The following PRKAG1 variants were observed in gnomAD, a reference collection of about 807,000 sequenced individuals.
The protein encoded by PRKAG1 is 5'-AMP-activated protein kinase subunit gamma-1.
Under a neutral mutation model 48.2 loss-of-function variants are expected in PRKAG1, and 27 were observed. The observed-to-expected ratio is 0.56, with a 90% CI of 0.41 to 0.77. The LOEUF (loss-of-function observed/expected upper bound fraction) is 0.77, where lower values mean the gene tolerates loss of function less well. Ranked by LOEUF, PRKAG1 falls within the 30% of genes least tolerant of loss-of-function variation. PRKAG1 has a pLI of 0.00. For missense variants in PRKAG1, 287 were observed against 398.3 expected, an observed-to-expected ratio of 0.72 and a Z score of 2.38; for synonymous variants, 130 against 147.7, an observed-to-expected ratio of 0.88 and a Z score of 0.87.
rs759966006 is a variant in PRKAG1, at chr12:49,005,904, C to A, written c.59-52G>T. 1 of 1,341,874 alleles carries A rather than the reference C, an allele frequency of 7.5e-7. No homozygotes were observed. The highest frequency in any genetic ancestry group is 1.4e-5 in the South Asian group (1 of 71,984). The allele number at this position is 1,341,874 out of a possible 1,614,324, so 83.1% of individuals were successfully genotyped here. On this transcript the variant is annotated intron_variant, in intron 2 of 11. Transcript: ENST00000548065. The surrounding 1 kb of genome is among the most constrained non-coding windows in gnomAD (Gnocchi z 4.1). ...TTCCTTCCACATAAAAACTCCCAATCAAAAGAGACAGAAAACAAAATAGTG... is the reference window on the plus strand; with the variant it reads ...TTCCTTCCACATAAAAACTCCCAATAAAAAGAGACAGAAAACAAAATAGTG...
At chr12:49,004,861 G>GTA (rs1322665271) in intron 7 of PRKAG1, 103 bp downstream of exon 7, 528 of 1,035,042 alleles carry the variant, frequency 5.1e-4, no homozygotes, top group Middle Eastern at 8.9e-4. Flanking sequence ...GTGTGTGTGT[G>GTA]TCTTTTCTCT....
rs1941487159 is a variant in PRKAG1, at chr12:49,005,218, C to T, written c.310-53G>A. ...ACCTGATCTCTCTGCTTCCTTAAGCCCTCGTGGCTTGCTTGGAGAAAAAGA... is the reference window on the plus strand; with the variant it reads ...ACCTGATCTCTCTGCTTCCTTAAGCTCTCGTGGCTTGCTTGGAGAAAAAGA... On this transcript the variant is annotated intron_variant, in intron 5 of 11. Coordinates refer to ENST00000548065, the MANE Select transcript of PRKAG1 (RefSeq NM_002733.5). The surrounding 1 kb of genome is among the most constrained non-coding windows in gnomAD (Gnocchi z 4.1). 3 of 1,613,194 alleles carry T rather than the reference C, an allele frequency of 1.9e-6. No homozygotes were observed. The highest frequency in any genetic ancestry group is 1.3e-5 in the African/African-American group (1 of 74,956).
chr12:49,003,151 T>TCC lies in PRKAG1; in HGVS notation c.879_880dup (p.Glu294GlyfsTer9). The TCC allele has an allele frequency of 1.2e-6, 2 of 1,614,170 alleles. No homozygotes were observed. Among genetic ancestry groups the TCC allele is most frequent in the Non-Finnish European group, 1.7e-6 (2 of 1,180,016 alleles). ...GGTTGCTGGCCTCCCTACCTCTGCTTCCACTAGCCTGTTGATGATGGTCTC... is the reference window on the plus strand; with the variant it reads ...GGTTGCTGGCCTCCCTACCTCTGCTTCCCCACTAGCCTGTTGATGATGGTCTC... On this transcript the variant is annotated frameshift_variant, in exon 11 of 12. Coordinates refer to ENST00000548065, the MANE Select transcript of PRKAG1 (RefSeq NM_002733.5). LOFTEE classifies it high-confidence loss of function.
chr12:49,004,812 A>AGAGTGT, intron 7 of PRKAG1, 152 bp downstream of exon 7: 1 of 962,208 alleles, frequency 1.0e-6, no homozygotes. Flanking sequence ...AGAGAGAGAG[A>AGAGTGT]CTGTGTGTGT....
At chr12:49,014,660 G>A (rs1034393101) in intron 1 of PRKAG1, among the ~76,000 whole-genome samples, 3 of 152,252 alleles carry the variant, frequency 2.0e-5, no homozygotes, top group Non-Finnish European at 4.4e-5. Context: ...CGAATGTACT[G>A]AAACTGGGAA....
rs755677616 is a variant in PRKAG1, at chr12:49,003,808, C to T, written c.652G>A (p.Gly218Arg). 1 of 1,613,978 alleles carries T rather than the reference C, an allele frequency of 6.2e-7. No homozygotes were observed. The highest frequency in any genetic ancestry group is 1.3e-5 in the African/African-American group (1 of 74,910). Residue 218 changes from glycine (G) to arginine (R), a missense_variant, in exon 9 of 12, where the codon GGG becomes AGG. By Grantham distance (125) the Gly-to-Arg change is moderately radical (BLOSUM62 -2). Around this residue, in one of 2 missense-constraint regions of PRKAG1, gnomAD observed 224 missense variants for 344.3 expected, o/e 0.65. Transcript: ENST00000548065. ...GAGACTCGATGCTGTACAAAAATCC[C>T]CAGAGCCACATAGACGGGGGTGGTA... is the stretch of plus-strand genomic sequence containing the variant. Reference protein sequence around the residue: ...RTTTPVYVALGIFVQHRVSAL... With the variant: ...RTTTPVYVALRIFVQHRVSAL...
chr12:49,004,743 G>A (rs954723259), intron 7 of PRKAG1, 110 bp from the exon 8 acceptor site: 152 of 1,517,268 alleles, frequency 1.0e-4, no homozygotes, highest in Middle Eastern at 1.9e-4. Flanking sequence ...AGGGAAGGGG[G>A]GCAGTGTACA....
intron 1 of PRKAG1, among the ~76,000 whole-genome samples, chr12:49,015,783 G>T (rs576649368): frequency 5.9e-5 from 9 of 151,608 alleles, no homozygotes; most frequent in Non-Finnish European, 1.2e-4. Flanking sequence ...TCACTATGTT[G>T]GCCAGGCTGG....
rs768933310 is a variant in PRKAG1 at position 49,003,196 on chromosome 12, C to T, written c.836G>A (p.Cys279Tyr). The change falls in exon 11 of 12, where the codon TGC becomes TAC. Residue 279 changes from cysteine (C) to tyrosine (Y), a missense_variant. Physicochemically the swap from Cys to Tyr is radical, Grantham distance 194. Transcript: ENST00000548065. ...RSHYFEGVLK[C>Y]YLHETLETII... ...GGTCTCCAGAGTCTCATGCAGGTAGCACTTGAGAACACCCTCAAAGTAATG... is the reference window on the plus strand; with the variant it reads ...GGTCTCCAGAGTCTCATGCAGGTAGTACTTGAGAACACCCTCAAAGTAATG... The T allele has an allele frequency of 6.2e-7, 1 of 1,614,164 alleles. No individual in the cohort carries two copies. The highest frequency in any genetic ancestry group is 8.5e-7 in the Non-Finnish European group (1 of 1,180,024).
chr12:49,014,085 T>C lies in PRKAG1; in HGVS notation c.10-975A>G, dbSNP rs141711158. 6.2e-4 allele frequency among the ~76,000 whole-genome samples: 94 copies of C among 152,218 alleles called. 1 individual carries two copies. In the East Asian group the frequency reaches 0.016, roughly 25 times the overall value. On this transcript the variant is annotated intron_variant, in intron 1 of 11. Transcript: ENST00000548065. Reference sequence around the variant, plus strand: ...TTATAACAGAGATGGGGTTTTACCATGTTGGCCAGGCTGGTCTCAAACTCC... The same window carrying C: ...TTATAACAGAGATGGGGTTTTACCACGTTGGCCAGGCTGGTCTCAAACTCC...
rs1183552802 is a variant in PRKAG1 at position 49,013,020 on chromosome 12, CTAT to C, written c.58+39_58+41del. On this transcript the variant is annotated intron_variant, in intron 2 of 11. Coordinates refer to ENST00000548065, the MANE Select transcript of PRKAG1 (RefSeq NM_002733.5). ...TGTTGAAGACATTGTTAGGGTCAGG[CTAT>C]TGTTTTCATGCCCAGTTTCCTTTCT... 2.6e-6 allele frequency: 4 copies of C among 1,549,720 alleles called. No individual in the cohort carries two copies. The African/African-American group carries it at 5.4e-5, about 21-fold the overall frequency.
Position 49,003,936 on chromosome 12 carries a change from C to A in PRKAG1, c.538-14G>T. On this transcript the variant is annotated splice_polypyrimidine_tract_variant and intron_variant, in intron 8 of 11. Transcript: ENST00000548065. ...GAACTCAGTGATCTGAGGAAAGAAC[C>A]ATCAGCTTAACTTTCAAGGCACCCA... is the stretch of plus-strand genomic sequence containing the variant. 6.3e-7 allele frequency: 1 copy of A among 1,577,028 alleles called. No individual in the cohort carries two copies. The highest frequency in any genetic ancestry group is 8.6e-7 in the Non-Finnish European group (1 of 1,160,096).
chr12:49,014,161 G>C (rs1185063920), intron 1 of PRKAG1, among the ~76,000 whole-genome samples: 2 of 152,192 alleles, frequency 1.3e-5, no homozygotes, highest in Non-Finnish European at 2.9e-5. Context: ...TGGGATTACA[G>C]GCATGAGCCA....
Position 49,013,098 on chromosome 12 carries a change from C to G in PRKAG1, c.22G>C (p.Asp8His), listed in dbSNP as rs771055765. 1.9e-6 allele frequency: 3 copies of G among 1,613,694 alleles called. No homozygotes were observed. The highest frequency in any genetic ancestry group is 1.7e-5 in the Admixed American group (1 of 59,998). The change falls in exon 2 of 12, where the codon GAT (aspartate) becomes CAT (histidine). Residue 8 changes from aspartate (D) to histidine (H), a missense_variant. By Grantham distance (81) the Asp-to-His change is moderately conservative. Around this residue, in one of 2 missense-constraint regions of PRKAG1, gnomAD observed 63 missense variants for 54.0 expected, o/e 1.17. Coordinates refer to ENST00000548065, the MANE Select transcript of PRKAG1 (RefSeq NM_002733.5). METVISSDSSPAVENEHP... is the reference protein window; with the variant it reads METVISSHSSPAVENEHP... ...TCATTTTCCACAGCTGGGGAGCTAT[C>G]TGAAGAAATGACCTGGAGAGATAAG...
Position 49,004,597 on chromosome 12 carries a change from C to G in PRKAG1, c.447G>C (p.Lys149Asn). 1 of 1,614,050 alleles carries G rather than the reference C, an allele frequency of 6.2e-7. No individual in the cohort carries two copies. The highest frequency in any genetic ancestry group is 8.5e-7 in the Non-Finnish European group (1 of 1,179,960). ...GGTCAATAACTGGCAGCCTGTGGAT[C>G]TTGTTCCGAATTAATGAAGAGACAG... ...FDAVSSLIRNKIHRLPVIDPE... is the reference protein window; with the variant it reads ...FDAVSSLIRNNIHRLPVIDPE... The change falls in exon 8 of 12, where the codon AAG (lysine) becomes AAC (asparagine). Residue 149 changes from lysine (K) to asparagine (N), a missense_variant. Around this residue, in one of 2 missense-constraint regions of PRKAG1, gnomAD observed 224 missense variants for 344.3 expected, o/e 0.65. Transcript: ENST00000548065.
intron 1 of PRKAG1, 120 bp from the exon 2 acceptor site, chr12:49,013,230 C>T: frequency 6.9e-6 from 6 of 864,486 alleles, no homozygotes; most frequent in Non-Finnish European, 1.1e-5. Context: ...AAAGCCACTG[C>T]CCCCGCCAAA....
intron 2 of PRKAG1, among the ~76,000 whole-genome samples, chr12:49,008,174 T>C (rs1329978330): frequency 6.6e-6 from 1 of 152,200 alleles, no homozygotes; most frequent in Non-Finnish European, 1.5e-5. Flanking sequence ...TTAAATCATT[T>C]TGACTGAATA....
intron 9 of PRKAG1, 72 bp downstream of exon 9, chr12:49,003,685 A>G: frequency 6.2e-7 from 1 of 1,607,848 alleles, no homozygotes; most frequent in Non-Finnish European, 8.5e-7. Flanking sequence ...AGCTGAGGGG[A>G]AAGCAGATCT....
At chr12:49,014,758 G>T (rs1441785785) in intron 1 of PRKAG1, among the ~76,000 whole-genome samples, 1 of 152,260 alleles carries the variant, frequency 6.6e-6, no homozygotes, top group African/African-American at 2.4e-5. Flanking sequence ...AAGATAGTCT[G>T]AGATTAGAGA....
Sources: allele counts gnomAD v4.1 joint callset (sites outside exome capture counted in the v4.1 genomes callset), GRCh38; gene constraint gnomAD v4.1.1; regional missense constraint gnomAD v4.1.1; non-coding constraint Gnocchi (gnomAD v3.1); transcripts MANE v1.5; gene names NCBI Gene and HGNC (gene_info 2026-07-23, HGNC 2026-07-21).